The following AP1G2 variants were observed in gnomAD, a reference collection of about 807,000 sequenced individuals.
AP1G2 encodes AP-1 complex subunit gamma-like 2.
A neutral mutation model predicts 95.8 loss-of-function variants in AP1G2; 85 were observed. The ratio of observed to expected loss-of-function variants is 0.89; its 90% CI spans 0.74 to 1.06. AP1G2 has a LOEUF of 1.06. Ranked by LOEUF, AP1G2 falls within the 50% of genes least tolerant of loss-of-function variation. AP1G2 has a pLI of 0.00. For synonymous variants in AP1G2, 378 were observed against 400.0 expected (o/e 0.94, Z 0.66); for missense variants, 967 against 1,005.8 (o/e 0.96, Z 0.52).
In AP1G2 at chr14:23,561,429, G is replaced by A. The variant is rs776903096; in HGVS notation, c.1860C>T (p.Ala620=). The change falls in exon 19 of 22, where the codon GCC becomes GCT. Residue 620 remains alanine (A), a splice_region_variant and synonymous_variant. Transcript: ENST00000397120. ...EAAPVPTEPQ[A]SQLLDLLDLL... is the part of the protein sequence containing the mutation. ...GATCTAGCAGATCCAGGAGCTGTGAGGCCTGGCAGAAGGGACAGAAGGGGC... is the reference window on the plus strand; with the variant it reads ...GATCTAGCAGATCCAGGAGCTGTGAAGCCTGGCAGAAGGGACAGAAGGGGC... The A allele has an allele frequency of 9.9e-6, 16 of 1,611,332 alleles. No homozygotes were observed. The highest frequency in any genetic ancestry group is 1.4e-5 in the Non-Finnish European group (16 of 1,177,896).
intron 16 of AP1G2, 61 bp downstream of exon 16, chr14:23,562,227 A>C (rs1885218929): frequency 2.5e-6 from 4 of 1,606,034 alleles, no homozygotes; most frequent in Admixed American, 1.7e-5. Flanking sequence ...CTGGAAAGAA[A>C]CTCAAAAATG....
At position 23,562,423 on chromosome 14, in the gene AP1G2, C is replaced by T. The variant is rs1200335614; in HGVS notation, c.1501-8G>A. On this transcript the variant is annotated splice_region_variant and splice_polypyrimidine_tract_variant and intron_variant, in intron 15 of 21. Transcript: ENST00000397120. ...CACTTCCTCTTCGTCCACCTTCAGA[C>T]ATGGATACAGTTAGTGGCCCTGGTG... 6.2e-7 allele frequency: 1 copy of T among 1,614,044 alleles called. No individual in the cohort carries two copies. Among genetic ancestry groups the T allele is most frequent in the African/African-American group, 1.3e-5 (1 of 74,918 alleles).
At chr14:23,563,224 G>A (rs1885989101) in intron 14 of AP1G2, 156 bp downstream of exon 14, 4 of 1,448,812 alleles carry the variant, frequency 2.8e-6, no homozygotes, top group Non-Finnish European at 1.8e-6. Context: ...AAGCCCAGAT[G>A]TTCTTAAAAA....
rs759356693 is a variant in AP1G2, at chr14:23,567,279, G to A, written c.36C>T (p.Ile12=). The part of the protein sequence containing the change: ...VVPSLKLQDL[I]EEIRGAKTQA... ...GAGTCTTGGCCCCGCGAATCTCTTC[G>A]ATGAGGTCCTGAAGCTTCAGCGAAG... Residue 12 remains isoleucine (I), a synonymous_variant, in exon 2 of 22, where the codon ATC becomes ATT. Coordinates refer to ENST00000397120, the MANE Select transcript of AP1G2 (RefSeq NM_003917.5). The surrounding 1 kb of genome is among the most constrained non-coding windows in gnomAD (Gnocchi z 5.3). The A allele has an allele frequency of 6.2e-7, 1 of 1,613,332 alleles. No homozygotes were observed. The highest frequency in any genetic ancestry group is 8.5e-7 in the Non-Finnish European group (1 of 1,179,700).
Position 23,567,323 on chromosome 14 carries a change from G to A in AP1G2, c.-5-4C>T. 2 of 1,611,376 alleles carry A rather than the reference G, an allele frequency of 1.2e-6. No individual in the cohort carries two copies. The highest frequency in any genetic ancestry group is 1.7e-6 in the Non-Finnish European group (2 of 1,179,378). On this transcript the variant is annotated splice_polypyrimidine_tract_variant and splice_region_variant and intron_variant, in intron 1 of 21. Transcript: ENST00000397120. The surrounding 1 kb of genome is among the most constrained non-coding windows in gnomAD (Gnocchi z 5.3). ...AGCGAAGGCACCACCATCCTGACTGGCAGAGTCCGGGAGTGGAGAAACACT... is the reference window on the plus strand; with the variant it reads ...AGCGAAGGCACCACCATCCTGACTGACAGAGTCCGGGAGTGGAGAAACACT...
At chr14:23,559,903 C>T (rs1883253030) in intron 21 of AP1G2, 35 bp downstream of exon 21, 5 of 1,610,600 alleles carry the variant, frequency 3.1e-6, no homozygotes, top group African/African-American at 2.7e-5. Flanking sequence ...TCTTCTATCC[C>T]TGGGTCTTGT....
intron 7 of AP1G2, 41 bp from the exon 8 acceptor site, chr14:23,565,240 G>A (rs751586362): frequency 1.1e-5 from 17 of 1,596,772 alleles, no homozygotes; most frequent in Non-Finnish European, 1.5e-5. Flanking sequence ...GGGGTTCATA[G>A]GATAAGGAGT....
rs1215108612 is a variant in AP1G2, at chr14:23,560,364, GAC to G, written c.2046_2047del (p.Ser683PhefsTer6). 1.9e-6 allele frequency: 3 copies of G among 1,613,936 alleles called. No homozygotes were observed. The Admixed American group carries it at 5.0e-5, about 27-fold the overall frequency. On this transcript the variant is annotated frameshift_variant, in exon 20 of 22. Transcript: ENST00000397120. LOFTEE classifies it high-confidence loss of function. ...AGGGTTTTCAGGGGGTCGAATGAAA[GAC>G]AGATTCAGCTGTACTCCCTCACGCT...
In AP1G2 at chr14:23,567,194, C is replaced by G. The variant is rs1180366535; in HGVS notation, c.121G>C (p.Asp41His). 1 of 1,613,040 alleles carries G rather than the reference C, an allele frequency of 6.2e-7. No homozygotes were observed. Among genetic ancestry groups the G allele is most frequent in the African/African-American group, 1.3e-5 (1 of 75,010 alleles). ...CGGTGCCTGTGCACTGGGTCCCCGT[C>G]GCGGAAGGAGGCCCGGATGTGGGCA... The part of the protein sequence containing the change: ...ECAHIRASFR[D>H]GDPVHRHRQL... Residue 41 changes from aspartate (D) to histidine (H), a missense_variant, in exon 2 of 22, where the codon GAC becomes CAC. By Grantham distance (81) the Asp-to-His change is moderately conservative. Transcript: ENST00000397120. This position sits in a 1 kb window ranked among gnomAD's most constrained non-coding sequence, Gnocchi z 5.3.
rs766866589 is a variant in AP1G2, at chr14:23,567,076, A to T, written c.204+35T>A. On this transcript the variant is annotated intron_variant, in intron 2 of 21. Transcript: ENST00000397120. The surrounding 1 kb of genome is among the most constrained non-coding windows in gnomAD (Gnocchi z 5.3). Reference sequence around the variant, plus strand: ...CTGGGACTCTGCCCCACTAGCCTTCATCAAGCTCAGGAGGGAGGTATTCCT... The same window carrying T: ...CTGGGACTCTGCCCCACTAGCCTTCTTCAAGCTCAGGAGGGAGGTATTCCT... 26 of 1,590,182 alleles carry T rather than the reference A, an allele frequency of 1.6e-5. No individual in the cohort carries two copies. The highest frequency in any genetic ancestry group is 4.1e-5 in the African/African-American group (3 of 73,906).
chr14:23,563,089 T>C (rs1885904263), intron 14 of AP1G2: 12 of 1,322,416 alleles, frequency 9.1e-6, no homozygotes, highest in Non-Finnish European at 1.2e-5. Flanking sequence ...AAGGTAATAA[T>C]AAAACCTCAT....
Position 23,566,176 on chromosome 14 carries a change from G to A in AP1G2, c.472-16C>T, listed in dbSNP as rs1423830305. On this transcript the variant is annotated splice_polypyrimidine_tract_variant and intron_variant, in intron 4 of 21. Transcript: ENST00000397120. ...TCAGAATAGCCTGCAGAGGTCAGGG[G>A]CCTCAGACAGGGGTCAGAGGAGATG... 12 of 1,594,774 alleles carry A rather than the reference G, an allele frequency of 7.5e-6. No homozygotes were observed. Among genetic ancestry groups the A allele is most frequent in the Non-Finnish European group, 9.4e-6 (11 of 1,169,044 alleles).
intron 17 of AP1G2, 60 bp downstream of exon 17, chr14:23,561,902 A>G: frequency 6.5e-7 from 1 of 1,543,444 alleles, no homozygotes; most frequent in Non-Finnish European, 8.8e-7. Flanking sequence ...TACCTAGAAA[A>G]GGGCATTTGG....
At chr14:23,566,823 A>G (rs1283531766) in intron 2 of AP1G2, 137 bp from the exon 3 acceptor site, 3 of 1,318,308 alleles carry the variant, frequency 2.3e-6, no homozygotes, top group Non-Finnish European at 3.1e-6. Context: ...ACAAGAGGAG[A>G]AGCTTAGGAA....
chr14:23,559,952 G>A lies in AP1G2; in HGVS notation c.2242C>T (p.Leu748Phe). The A allele has an allele frequency of 6.2e-7, 1 of 1,613,190 alleles. No individual in the cohort carries two copies. Among genetic ancestry groups the A allele is most frequent in the Non-Finnish European group, 8.5e-7 (1 of 1,179,420 alleles). Residue 748 changes from leucine (L) to phenylalanine (F), a missense_variant, in exon 21 of 22, where the codon CTC (leucine) becomes TTC (phenylalanine). Transcript: ENST00000397120. ...CTGAAGCTCACCTTGTTAGGATTGAGGATTCTGAAGAGCTGGGTGATAGGA... is the reference window on the plus strand; with the variant it reads ...CTGAAGCTCACCTTGTTAGGATTGAAGATTCTGAAGAGCTGGGTGATAGGA... The part of the protein sequence containing the change: ...GLPITQLFRI[L>F]NPNKAPLRLK...
Position 23,561,601 on chromosome 14 carries a change from G to T in AP1G2, c.1768C>A (p.Arg590=), listed in dbSNP as rs34987563. ...TCCTCATCAGCCTGAGGGCCATCTC[G>T]CTCCACAAGAGGCATTTTTTCCAGG... ...AILEKMPLVE[R]DGPQADEEAK... Residue 590 remains arginine (R), a synonymous_variant, in exon 18 of 22, where the codon CGA becomes AGA. Transcript: ENST00000397120. The T allele has an allele frequency of 6.2e-3, 10,021 of 1,613,956 alleles. 521 individuals are homozygous for T. The African/African-American group carries it at 0.11, about 18-fold the overall frequency.
In AP1G2 at chr14:23,562,035, T is replaced by C. The variant is rs924502802; in HGVS notation, c.1660A>G (p.Ser554Gly). ...RIRQVVSIYG[S>G]CLDVELQQRA... ...TGCTGCAGCTCCACGTCCAAGCAGC[T>C]CCCGTAGATGGACACCACCTGGCGG... is the stretch of plus-strand genomic sequence containing the variant. The change falls in exon 17 of 22, where the codon AGC (serine) becomes GGC (glycine). Residue 554 changes from serine (S) to glycine (G), a missense_variant. Ser to Gly is a moderately conservative substitution (Grantham distance 56). Transcript: ENST00000397120. The C allele has an allele frequency of 6.2e-7, 1 of 1,613,574 alleles. No homozygotes were observed. Among genetic ancestry groups the C allele is most frequent in the African/African-American group, 1.3e-5 (1 of 74,880 alleles).
Position 23,559,677 on chromosome 14 carries a change from TGTAG to T in AP1G2, c.*68_*71del. The T allele has an allele frequency of 7.2e-7, 1 of 1,386,836 alleles. No individual in the cohort carries two copies. Among genetic ancestry groups the T allele is most frequent in the Non-Finnish European group, 1.0e-6 (1 of 986,088 alleles). The allele number at this position is 1,386,836 out of a possible 1,614,324, so 85.9% of individuals were successfully genotyped here. ...GCGCCACCTGCTGGTAGCCCTCAGG[TGTAG>T]GTTCGAAGCTGCTGGGGCCCCCTGG... On this transcript the variant is annotated 3_prime_UTR_variant, in exon 22 of 22. Coordinates refer to ENST00000397120, the MANE Select transcript of AP1G2 (RefSeq NM_003917.5).
rs1209740630 is a variant in AP1G2 at position 23,566,059 on chromosome 14, C to A, written c.568+5G>T. 1.2e-6 allele frequency: 2 copies of A among 1,614,188 alleles called. No homozygotes were observed. The highest frequency in any genetic ancestry group is 1.7e-6 in the Non-Finnish European group (2 of 1,180,032). On this transcript the variant is annotated splice_donor_5th_base_variant and intron_variant, in intron 5 of 21. Transcript: ENST00000397120. The stretch of plus-strand genomic sequence containing the variant: ...AGCAAAGGATGGGGGGCCCCACAGC[C>A]TTACCATGGTGACGCTCATGAAGCA...
Sources: gnomAD v4.1 joint callset for allele counts on GRCh38, gnomAD v4.1.1 for gene constraint, Gnocchi (gnomAD v3.1) non-coding constraint, MANE v1.5 for transcripts, NCBI Gene and HGNC (gene_info 2026-07-23, HGNC 2026-07-21) for gene names.